Variants in HCRTR2 observed in about 807,000 individuals in gnomAD.
HCRTR2 encodes the protein orexin receptor type 2.
Under a neutral mutation model 49.0 loss-of-function variants are expected in HCRTR2, and 22 were observed. The observed-to-expected ratio is 0.45, with a 90% CI of 0.32 to 0.64. HCRTR2 has a LOEUF of 0.64. HCRTR2 is among the 30% of genes least tolerant of loss of function. The probability of loss-of-function intolerance (pLI) is 0.04; values close to 1 mark genes in which losing one functional copy is unlikely to be tolerated. For synonymous variants in HCRTR2, 236 were observed against 205.3 expected (o/e 1.15, Z -1.28); for missense variants, 491 against 559.4 (o/e 0.88, Z 1.23).
intron 5 of HCRTR2, among the ~76,000 whole-genome samples, chr6:55,278,623 A>T (rs1002753653): frequency 6.6e-6 from 1 of 152,054 alleles, no homozygotes; most frequent in East Asian, 1.9e-4. Context: ...AGCCTTAAAG[A>T]TATATGATTT....
intron 1 of HCRTR2, among the ~76,000 whole-genome samples, chr6:55,213,071 A>C (rs1765724739): frequency 6.8e-6 from 1 of 147,808 alleles, no homozygotes; most frequent in Admixed American, 7.0e-5. Flanking sequence ...GAGTACATGA[A>C]AAAAAAGAGG....
chr6:55,262,365 T>C (rs887179186), intron 3 of HCRTR2, among the ~76,000 whole-genome samples: 6 of 139,462 alleles, frequency 4.3e-5, no homozygotes, highest in African/African-American at 1.6e-4. Flanking sequence ...ATATATAATG[T>C]ATTATAGTTA....
chr6:55,237,391 T>C (rs1244372979), intron 1 of HCRTR2, among the ~76,000 whole-genome samples: 2 of 152,154 alleles, frequency 1.3e-5, no homozygotes, highest in Non-Finnish European at 2.9e-5. Context: ...TAGGAGAGCT[T>C]GTCTACTTCA....
intron 1 of HCRTR2, among the ~76,000 whole-genome samples, chr6:55,181,537 T>C (rs1305847466): frequency 6.6e-6 from 1 of 152,190 alleles, no homozygotes; most frequent in African/African-American, 2.4e-5. Context: ...ATGAGAACAA[T>C]GTTTAATATT....
chr6:55,269,393 C>T (rs771114181), intron 4 of HCRTR2, among the ~76,000 whole-genome samples: 8 of 151,858 alleles, frequency 5.3e-5, no homozygotes, highest in Non-Finnish European at 7.4e-5. Context: ...AAAGGCATGA[C>T]GATCACAAAA....
At chr6:55,275,784 A>G (rs972174602) in intron 4 of HCRTR2, among the ~76,000 whole-genome samples, 1 of 151,848 alleles carries the variant, frequency 6.6e-6, no homozygotes, top group Non-Finnish European at 1.5e-5. Flanking sequence ...CTAATTTTGT[A>G]TTTTTAGTAG....
intron 1 of HCRTR2, among the ~76,000 whole-genome samples, chr6:55,117,359 G>T (rs988716797): frequency 6.6e-6 from 1 of 151,720 alleles, no homozygotes; most frequent in Non-Finnish European, 1.5e-5. Context: ...CAGATCTAAA[G>T]TAGTAAACAA....
chr6:55,231,960 G>A (rs1328934611), intron 1 of HCRTR2, among the ~76,000 whole-genome samples: 5 of 152,130 alleles, frequency 3.3e-5, no homozygotes, highest in African/African-American at 9.7e-5. Context: ...TCCTCCTGCT[G>A]TGATCAGTCT....
intron 1 of HCRTR2, among the ~76,000 whole-genome samples, chr6:55,156,579 A>ACACACACACACAAG (rs1764733136): frequency 6.6e-6 from 1 of 151,784 alleles, no homozygotes; most frequent in Non-Finnish European, 1.5e-5. Flanking sequence ...TGAGACACAC[A>ACACACACACACAAG]CACACACACA....
intron 4 of HCRTR2, among the ~76,000 whole-genome samples, chr6:55,269,465 A>C (rs138841734): frequency 1.9e-4 from 29 of 152,308 alleles, no homozygotes; most frequent in African/African-American, 5.5e-4. Context: ...ATCCTAACGA[A>C]TTATTTTGCA....
At chr6:55,257,627 G>A (rs1227714738) in intron 3 of HCRTR2, among the ~76,000 whole-genome samples, 4 of 151,330 alleles carry the variant, frequency 2.6e-5, no homozygotes, top group Non-Finnish European at 4.4e-5. Context: ...GTAAATAGAC[G>A]TATGATTTTT....
Position 55,244,834 on chromosome 6 carries a change from T to TGCTTTTCA in HCRTR2, c.224-3804_224-3803insCTTTTCAG, listed in dbSNP as rs1766400588. 2.0e-5 allele frequency among the ~76,000 whole-genome samples: 3 copies of TGCTTTTCA among 152,216 alleles called. No individual in the cohort carries two copies. In the South Asian group the frequency reaches 6.2e-4, roughly 32 times the overall value. ...CTTTAATCCATCTTCAGTTGCTATT[T>TGCTTTTCA]GTATATGGTGAGAGATATGGGTTTA... On this transcript the variant is annotated intron_variant, in intron 1 of 6. Transcript: ENST00000370862.
chr6:55,259,034 G>C (rs1037654732), intron 3 of HCRTR2, among the ~76,000 whole-genome samples: 7 of 152,120 alleles, frequency 4.6e-5, no homozygotes, highest in African/African-American at 7.2e-5. Flanking sequence ...CTGGGCAAAA[G>C]AGCAAGACAC....
At chr6:55,253,106 A>T (rs1448754287) in intron 2 of HCRTR2, among the ~76,000 whole-genome samples, 2 of 151,994 alleles carry the variant, frequency 1.3e-5, no homozygotes, top group African/African-American at 4.8e-5. Flanking sequence ...TGCAGACTCG[A>T]TTCCAGCTAT....
intron 1 of HCRTR2, among the ~76,000 whole-genome samples, chr6:55,183,230 A>C (rs1212356209): frequency 6.6e-6 from 1 of 152,224 alleles, no homozygotes; most frequent in Non-Finnish European, 1.5e-5. Flanking sequence ...AAGGACACTT[A>C]GCTCTGCTGG....
chr6:55,270,426 G>A (rs575244840), intron 4 of HCRTR2, among the ~76,000 whole-genome samples: 1 of 152,188 alleles, frequency 6.6e-6, no homozygotes, highest in African/African-American at 2.4e-5. Context: ...GTAACATTTT[G>A]TTCTCCATCA....
chr6:55,174,888 C>A (rs769661186), intron 1 of HCRTR2, 78 bp downstream of exon 1: 1 of 1,083,740 alleles, frequency 9.2e-7, no homozygotes, highest in Non-Finnish European at 1.4e-6. Flanking sequence ...CTAAAGAGAC[C>A]CCTCCCTCCC....
intron 1 of HCRTR2, among the ~76,000 whole-genome samples, chr6:55,209,604 A>G (rs1765661824): frequency 6.6e-6 from 1 of 152,148 alleles, no homozygotes; most frequent in Admixed American, 6.5e-5. Context: ...GGTAGCCACA[A>G]ATGAGGCTTA....
At chr6:55,282,199 T>C (rs1376116022) in intron 6 of HCRTR2, 26 bp from the exon 7 acceptor site, 3 of 1,528,078 alleles carry the variant, frequency 2.0e-6, no homozygotes, top group Admixed American at 1.7e-5. Flanking sequence ...ATAATTCCTT[T>C]TCCTTTCATT....
Sources: gnomAD v4.1 joint callset for allele counts (sites outside exome capture counted in the v4.1 genomes callset) on GRCh38, gnomAD v4.1.1 for gene constraint, MANE v1.5 for transcripts, NCBI Gene and HGNC (gene_info 2026-07-23, HGNC 2026-07-21) for gene names.